Variants in UVRAG observed in about 807,000 individuals in gnomAD.
The protein encoded by UVRAG is UV radiation resistance associated, also known as UV radiation resistance-associated gene protein.
UVRAG carries 19 observed loss-of-function variants against 78.0 expected under a neutral mutation model. The observed-to-expected ratio is 0.24, with a 90% CI of 0.17 to 0.36. UVRAG has a LOEUF of 0.36. UVRAG is among the 10% of genes least tolerant of loss of function. The pLI, the probability that UVRAG is intolerant of heterozygous loss-of-function variation, is 1.00. For missense variants in UVRAG, 740 were observed against 853.8 expected (o/e 0.87, Z 1.66); for synonymous variants, 323 against 324.6 (o/e 1.00, Z 0.05).
chr11:75,849,084 A>G (rs1175353288), intron 1 of UVRAG, among the ~76,000 whole-genome samples: 1 of 152,214 alleles, frequency 6.6e-6, no homozygotes, highest in Non-Finnish European at 1.5e-5. Flanking sequence ...AGCGTGAGAC[A>G]GGAGAATCAC....
chr11:76,088,510 T>G (rs1014738360), intron 13 of UVRAG, among the ~76,000 whole-genome samples: 1 of 130,882 alleles, frequency 7.6e-6, no homozygotes, highest in Non-Finnish European at 1.6e-5. Context: ...TCCCCCGCCT[T>G]GCAACAAGAC....
chr11:75,879,177 C>T (rs907497170), intron 3 of UVRAG, among the ~76,000 whole-genome samples: 1 of 152,126 alleles, frequency 6.6e-6, no homozygotes, highest in African/African-American at 2.4e-5. Flanking sequence ...AAAGTATTCC[C>T]TCCTAGCAAA....
At chr11:76,035,027 T>G (rs996634427) in intron 12 of UVRAG, among the ~76,000 whole-genome samples, 1 of 152,164 alleles carries the variant, frequency 6.6e-6, no homozygotes, top group African/African-American at 2.4e-5. Flanking sequence ...TCTCTTGGAG[T>G]TGATTGACAC....
chr11:76,061,969 GA>G (rs1849188601), intron 12 of UVRAG, among the ~76,000 whole-genome samples: 1 of 152,164 alleles, frequency 6.6e-6, no homozygotes, highest in Non-Finnish European at 1.5e-5. Flanking sequence ...TAAATTACCA[GA>G]AACTTGATGA....
chr11:75,894,744 G>A (rs1043925970), intron 5 of UVRAG, among the ~76,000 whole-genome samples: 45 of 148,510 alleles, frequency 3.0e-4, no homozygotes, highest in African/African-American at 1.1e-3. Context: ...TGGGAGGATC[G>A]CTTGAAGCCA....
chr11:75,960,233 A>G (rs1053592138), intron 6 of UVRAG, among the ~76,000 whole-genome samples: 8 of 150,572 alleles, frequency 5.3e-5, no homozygotes, highest in Non-Finnish European at 1.0e-4. Flanking sequence ...TTTTTTAAAT[A>G]TCTATGAAGC....
intron 12 of UVRAG, among the ~76,000 whole-genome samples, chr11:76,026,863 A>G (rs576578231): frequency 6.6e-6 from 1 of 152,244 alleles, no homozygotes; most frequent in South Asian, 2.1e-4. Context: ...GATTACAGGA[A>G]TTTGACCTAA....
At chr11:76,076,602 A>G (rs1380601377) in intron 13 of UVRAG, among the ~76,000 whole-genome samples, 1 of 152,070 alleles carries the variant, frequency 6.6e-6, no homozygotes, top group East Asian at 1.9e-4. Flanking sequence ...ATCAGGTTCC[A>G]ATTGCTCTGT....
At chr11:75,963,427 A>T (rs1948947960) in intron 7 of UVRAG, among the ~76,000 whole-genome samples, 1 of 152,238 alleles carries the variant, frequency 6.6e-6, no homozygotes, top group Non-Finnish European at 1.5e-5. Flanking sequence ...CTTTTAGAGA[A>T]TAATGCCATC....
intron 13 of UVRAG, among the ~76,000 whole-genome samples, chr11:76,106,380 T>TG (rs1951970432): frequency 1.3e-5 from 2 of 152,158 alleles, no homozygotes; most frequent in Non-Finnish European, 2.9e-5. Context: ...CTATTTTTTT[T>TG]TTTAAGATGG....
chr11:76,082,995 C>T (rs1007897085), intron 13 of UVRAG, among the ~76,000 whole-genome samples: 6 of 152,300 alleles, frequency 3.9e-5, no homozygotes, highest in Admixed American at 2.6e-4. Context: ...TGCACCACTG[C>T]ACTCCAGCCT....
chr11:76,056,103 T>TC (rs1225744138), intron 12 of UVRAG, among the ~76,000 whole-genome samples: 2 of 152,232 alleles, frequency 1.3e-5, no homozygotes, highest in African/African-American at 4.8e-5. Flanking sequence ...TCATTGACTC[T>TC]CCCCTGAAAC....
In UVRAG at chr11:75,880,007, C is replaced by A; in HGVS notation, c.399C>A (p.Val133=). 3 of 1,614,136 alleles carry A rather than the reference C, an allele frequency of 1.9e-6. No homozygotes were observed. Among genetic ancestry groups the A allele is most frequent in the Non-Finnish European group, 1.7e-6 (2 of 1,180,008 alleles). The change falls in exon 4 of 15, where the codon GTC becomes GTA. Residue 133 remains valine, a synonymous_variant. Coordinates refer to ENST00000356136, the MANE Select transcript of UVRAG (RefSeq NM_003369.4). ...ACCAGCTGTTGATTGAATGGAAAGTCTGTTTGGATGGGCTGAAATACTTGG... is the reference window on the plus strand; with the variant it reads ...ACCAGCTGTTGATTGAATGGAAAGTATGTTTGGATGGGCTGAAATACTTGG... ...NIYQLLIEWK[V]CLDGLKYLGQ...
At chr11:76,043,885 C>A (rs1950696997) in intron 12 of UVRAG, among the ~76,000 whole-genome samples, 1 of 152,158 alleles carries the variant, frequency 6.6e-6, no homozygotes, top group African/African-American at 2.4e-5. Context: ...TAACCCTGGG[C>A]AAGTTACTTC....
chr11:75,847,316 C>T (rs915080984), intron 1 of UVRAG, among the ~76,000 whole-genome samples: 3 of 151,208 alleles, frequency 2.0e-5, no homozygotes, highest in Admixed American at 6.6e-5. Flanking sequence ...TTAGTAGAGA[C>T]GGGTTTCACC....
chr11:75,944,656 C>T lies in UVRAG; in HGVS notation c.594-16788C>T, dbSNP rs146635279. Among the ~76,000 whole-genome samples, 289 of 152,070 alleles carry T rather than the reference C, an allele frequency of 1.9e-3. 1 individual carries two copies. The highest frequency in any genetic ancestry group is 6.5e-3 in the African/African-American group (269 of 41,486). Reference sequence around the variant, plus strand: ...GAATACCACAATCTAAGCCTTTGAACAAAGATATAGAAAATTGACTAAGTT... The same window carrying T: ...GAATACCACAATCTAAGCCTTTGAATAAAGATATAGAAAATTGACTAAGTT... On this transcript the variant is annotated intron_variant, in intron 6 of 14. Coordinates refer to ENST00000356136, the MANE Select transcript of UVRAG (RefSeq NM_003369.4).
At chr11:76,035,979 T>C (rs1242985811) in intron 12 of UVRAG, among the ~76,000 whole-genome samples, 1 of 152,196 alleles carries the variant, frequency 6.6e-6, no homozygotes, top group Non-Finnish European at 1.5e-5. Context: ...TACAATCTGA[T>C]TTTAAGCAAA....
intron 1 of UVRAG, among the ~76,000 whole-genome samples, chr11:75,817,898 G>GAAAAAAAAAAAA (rs111248538): frequency 1.8e-4 from 19 of 104,068 alleles, no homozygotes; most frequent in Non-Finnish European, 1.1e-4. Context: ...ACAAAAAAAA[G>GAAAAAAAAAAAA]AAAAAAAAAA....
At chr11:76,118,518 T>C (rs935803212) in intron 14 of UVRAG, among the ~76,000 whole-genome samples, 1 of 152,224 alleles carries the variant, frequency 6.6e-6, no homozygotes, top group East Asian at 1.9e-4. Context: ...GGGGTAGATA[T>C]CCTGCATTAG....
Sources: allele counts gnomAD v4.1 joint callset (sites outside exome capture counted in the v4.1 genomes callset), GRCh38; gene constraint gnomAD v4.1.1; transcripts MANE v1.5; gene names NCBI Gene and HGNC (gene_info 2026-07-23, HGNC 2026-07-21).